ANXA4: variants seen among roughly 807,000 people sequenced by gnomAD.
ANXA4 encodes 35-beta calcimedin.
A neutral mutation model predicts 49.8 loss-of-function variants in ANXA4; 39 were observed. The observed-to-expected ratio is 0.78, with a 90% confidence interval of 0.61 to 1.02. ANXA4 has a LOEUF of 1.02. Among genes scored for constraint, ANXA4 ranks in the 50% least tolerant of loss-of-function variants. ANXA4 has a pLI of 0.00. For synonymous variants in ANXA4, 134 were observed against 152.5 expected (o/e 0.88, Z 0.89); for missense variants, 360 against 410.1 (o/e 0.88, Z 1.05).
chr2:69,730,677 G>A (rs530142364), intron 3 of ANXA4, among the ~76,000 whole-genome samples: 2 of 152,310 alleles, frequency 1.3e-5, no homozygotes, highest in Non-Finnish European at 2.9e-5. Context: ...GAGAACCTAC[G>A]TAAACATGCT....
intron 2 of ANXA4, among the ~76,000 whole-genome samples, chr2:69,681,609 G>T (rs1045945100): frequency 6.6e-6 from 1 of 152,084 alleles, no homozygotes. Context: ...TGGGATTACA[G>T]GCATGAGCCT....
chr2:69,747,126 A>C (rs1357994475), intron 1 of ANXA4, among the ~76,000 whole-genome samples: 1 of 152,046 alleles, frequency 6.6e-6, no homozygotes, highest in Non-Finnish European at 1.5e-5. Flanking sequence ...CCCCATGTCC[A>C]CCTCTACCTC....
At chr2:69,820,510 T>C (rs1051189302) in intron 11 of ANXA4, among the ~76,000 whole-genome samples, 189 bp from the exon 12 acceptor site, 9 of 152,060 alleles carry the variant, frequency 5.9e-5, no homozygotes, top group African/African-American at 1.7e-4. Flanking sequence ...ACATAGAGCA[T>C]TGGAAAAGTG....
At chr2:69,778,247 G>A (rs1392493021) in intron 1 of ANXA4, among the ~76,000 whole-genome samples, 3 of 152,026 alleles carry the variant, frequency 2.0e-5, no homozygotes, top group Non-Finnish European at 4.4e-5. Context: ...TTATTTATTC[G>A]TTCTAAAATT....
intron 2 of ANXA4, among the ~76,000 whole-genome samples, chr2:69,785,830 C>G (rs760136899): frequency 4.6e-5 from 7 of 152,130 alleles, no homozygotes; most frequent in Non-Finnish European, 7.4e-5. Flanking sequence ...GGACAGTGCT[C>G]GATCCTGGAT....
chr2:69,676,935 T>G (rs2105351390), intron 2 of ANXA4, among the ~76,000 whole-genome samples: 1 of 152,238 alleles, frequency 6.6e-6, no homozygotes, highest in Non-Finnish European at 1.5e-5. Flanking sequence ...TAAAATTTGT[T>G]AATATTTTGG....
intron 1 of ANXA4, among the ~76,000 whole-genome samples, chr2:69,646,045 A>C (rs1244531141): frequency 6.6e-6 from 1 of 152,216 alleles, no homozygotes. Context: ...ACATTAACTG[A>C]TTAAAAGACT....
intron 2 of ANXA4, among the ~76,000 whole-genome samples, chr2:69,704,676 C>T (rs1678434708): frequency 6.6e-6 from 1 of 152,172 alleles, no homozygotes; most frequent in Admixed American, 6.6e-5. Context: ...CAAGTCTTAA[C>T]ACACAAACAG....
At chr2:69,671,736 A>G (rs1677198799) in intron 2 of ANXA4, among the ~76,000 whole-genome samples, 1 of 152,164 alleles carries the variant, frequency 6.6e-6, no homozygotes. Flanking sequence ...AAATATATAT[A>G]TATACACACA....
At position 69,651,138 on chromosome 2, in the gene ANXA4, T is replaced by C. The variant is rs541162383; in HGVS notation, n.482-1860T>C. ...AAGAATTGATTTGAGAGTGTTCCTT[T>C]ATTCAATCAGTATGTAGTGAACTAC... On this transcript the variant is annotated intron_variant and non_coding_transcript_variant, in intron 1 of 3. Transcript: ENST00000418066. Among the ~76,000 whole-genome samples the C allele has an allele frequency of 5.9e-5, 9 of 152,314 alleles. No homozygotes were observed. In the South Asian group the frequency reaches 1.7e-3, roughly 28 times the overall value.
intron 8 of ANXA4, 148 bp downstream of exon 8, chr2:69,812,857 A>G (rs1468828686): frequency 5.7e-6 from 4 of 703,256 alleles, no homozygotes; most frequent in Non-Finnish European, 9.4e-6. Context: ...ATAGCCTTTA[A>G]TAACAGGTTT....
chr2:69,821,113 G>C (rs1406952504), intron 12 of ANXA4, among the ~76,000 whole-genome samples: 1 of 152,180 alleles, frequency 6.6e-6, no homozygotes, highest in African/African-American at 2.4e-5. Flanking sequence ...CTAATTATGA[G>C]AGAAGATAAA....
At chr2:69,746,235 C>G (rs999588724) in intron 1 of ANXA4, among the ~76,000 whole-genome samples, 3 of 152,090 alleles carry the variant, frequency 2.0e-5, no homozygotes, top group Non-Finnish European at 4.4e-5. Flanking sequence ...TGGTCTCAAA[C>G]CCCTGACCTC....
chr2:69,799,857 T>G (rs540648695), intron 3 of ANXA4, among the ~76,000 whole-genome samples: 18 of 152,336 alleles, frequency 1.2e-4, no homozygotes, highest in African/African-American at 4.3e-4. Context: ...CAAAAAGAAT[T>G]CATTTTACTC....
chr2:69,758,456 CA>C (rs966408373), intron 1 of ANXA4, among the ~76,000 whole-genome samples: 2 of 152,152 alleles, frequency 1.3e-5, no homozygotes, highest in African/African-American at 2.4e-5. Flanking sequence ...TCTACCTCTG[CA>C]AAAAAATTTT....
intron 9 of ANXA4, 26 bp from the exon 10 acceptor site, chr2:69,818,570 CAAT>C: frequency 1.4e-6 from 2 of 1,471,394 alleles, no homozygotes; most frequent in South Asian, 1.3e-5. Flanking sequence ...TTTTTCTTCC[CAAT>C]AATACTATTT....
chr2:69,803,241 C>T (rs1673296543), intron 3 of ANXA4, among the ~76,000 whole-genome samples: 1 of 151,404 alleles, frequency 6.6e-6, no homozygotes, highest in Non-Finnish European at 1.5e-5. Flanking sequence ...GGTATGTAAA[C>T]TTAAAGTTCT....
At chr2:69,825,386 C>T in intron 12 of ANXA4, 70 bp from the exon 13 acceptor site, 1 of 1,329,008 alleles carries the variant, frequency 7.5e-7, no homozygotes. Flanking sequence ...AAAAAGTTGG[C>T]TTAGATGACT....
At chr2:69,739,938 A>C (rs920930074), upstream of ANXA4, among the ~76,000 whole-genome samples, 4 of 152,102 alleles carry the variant, frequency 2.6e-5, no homozygotes, top group Admixed American at 2.0e-4. Flanking sequence ...TTTCTGATGA[A>C]GTTTATCCTC....
Sources: allele counts gnomAD v4.1 joint callset (sites outside exome capture counted in the v4.1 genomes callset), GRCh38; gene constraint gnomAD v4.1.1; transcripts MANE v1.5; gene names NCBI Gene and HGNC (gene_info 2026-07-23, HGNC 2026-07-21).